TNS1: variants seen among roughly 807,000 people sequenced by gnomAD.
The protein encoded by TNS1 is tensin-1.
Under a neutral mutation model 168.6 loss-of-function variants are expected in TNS1, and 62 were observed. That is an observed-to-expected ratio of 0.37 (90% CI 0.30 to 0.45). The LOEUF (loss-of-function observed/expected upper bound fraction) is 0.45, where lower values mean the gene tolerates loss of function less well. Ranked by LOEUF, TNS1 falls within the 20% of genes least tolerant of loss-of-function variation. The pLI, the probability that TNS1 is intolerant of heterozygous loss-of-function variation, is 1.00. For synonymous variants in TNS1, 934 were observed against 933.2 expected, an observed-to-expected ratio of 1.00 and a Z score of -0.02; for missense variants, 2,240 against 2,339.4, an observed-to-expected ratio of 0.96 and a Z score of 0.88.
At chr2:217,893,602 G>A (rs1951976978) in intron 9 of TNS1, 41 bp from the exon 10 acceptor site, 1 of 1,566,468 alleles carries the variant, frequency 6.4e-7, no homozygotes, top group African/African-American at 1.4e-5. Flanking sequence ...CAGAAGCCCT[G>A]CAGAGCCAAA....
At chr2:217,941,441 G>A (rs148789570) in intron 3 of TNS1, among the ~76,000 whole-genome samples, 23 of 152,328 alleles carry the variant, frequency 1.5e-4, no homozygotes, top group Admixed American at 2.6e-4. Flanking sequence ...AGCTGGGTGC[G>A]GACCTGGTAG....
intron 3 of TNS1, among the ~76,000 whole-genome samples, chr2:217,939,304 A>G (rs1433748984): frequency 6.6e-6 from 1 of 151,994 alleles, no homozygotes; most frequent in Non-Finnish European, 1.5e-5. Context: ...CTCAAGACAG[A>G]CCTCTCAGTC....
upstream of TNS1, among the ~76,000 whole-genome samples, chr2:218,014,082 G>A (rs1958734932): frequency 6.6e-6 from 1 of 152,230 alleles, no homozygotes; most frequent in Non-Finnish European, 1.5e-5. Flanking sequence ...CAGGCACAGA[G>A]CCCCCTCTGT....
At chr2:217,996,972 T>C (rs1459909196) in intron 1 of TNS1, among the ~76,000 whole-genome samples, 4 of 143,778 alleles carry the variant, frequency 2.8e-5, no homozygotes, top group Non-Finnish European at 6.1e-5. Context: ...CTCCCTGCCC[T>C]GTGTCCACCC....
chr2:217,841,364 C>A (rs1222824452), intron 19 of TNS1: 8 of 711,048 alleles, frequency 1.1e-5, no homozygotes, highest in Middle Eastern at 7.1e-4. Context: ...AAGGCAGGCA[C>A]CCCACCAACA....
At chr2:218,007,013 G>T (rs1038482538), upstream of TNS1, among the ~76,000 whole-genome samples, 1 of 152,050 alleles carries the variant, frequency 6.6e-6, no homozygotes, top group African/African-American at 2.4e-5. Context: ...CCAGACCCTG[G>T]ATTTTTTCCC....
At chr2:217,838,384 A>T (rs1945460116) in intron 19 of TNS1, among the ~76,000 whole-genome samples, 1 of 152,216 alleles carries the variant, frequency 6.6e-6, no homozygotes, top group South Asian at 2.1e-4. Flanking sequence ...ACATCCGTAG[A>T]GAATGTGAGA....
At chr2:217,912,081 CT>C (rs1954475545) in intron 4 of TNS1, among the ~76,000 whole-genome samples, 1 of 152,234 alleles carries the variant, frequency 6.6e-6, no homozygotes, top group African/African-American at 2.4e-5. Context: ...CCACACATGC[CT>C]TTACCCTCCC....
intron 1 of TNS1, among the ~76,000 whole-genome samples, chr2:218,031,334 TG>T (rs1183954643): frequency 6.8e-6 from 1 of 147,508 alleles, no homozygotes; most frequent in East Asian, 2.0e-4. Flanking sequence ...TGAGCATGTC[TG>T]TGTGTGAGTG....
intron 4 of TNS1, among the ~76,000 whole-genome samples, chr2:217,909,571 C>CCA (rs3054350): frequency 0.13 from 19,577 of 146,730 alleles, 1,306 homozygotes; most frequent in Admixed American, 0.16. Context: ...GCCTGGGTGC[C>CCA]CACACACACA....
At chr2:218,022,703 G>T (rs1207227703) in intron 1 of TNS1, among the ~76,000 whole-genome samples, 2 of 151,662 alleles carry the variant, frequency 1.3e-5, no homozygotes, top group African/African-American at 4.8e-5. Context: ...CCAGTCAGTG[G>T]CTCTGGGAAG....
chr2:217,988,563 A>C, intron 2 of TNS1, among the ~76,000 whole-genome samples: 1 of 152,186 alleles, frequency 6.6e-6, no homozygotes, highest in Admixed American at 6.5e-5. Flanking sequence ...TAATTTATGC[A>C]TCTTCGCAGG....
chr2:217,969,176 C>T (rs1957719744), intron 3 of TNS1, among the ~76,000 whole-genome samples: 1 of 152,198 alleles, frequency 6.6e-6, no homozygotes, highest in Admixed American at 6.5e-5. Context: ...ATTCACACTT[C>T]CCAATTTTGA....
intron 3 of TNS1, among the ~76,000 whole-genome samples, chr2:217,934,847 G>A (rs1443939051): frequency 6.6e-6 from 1 of 152,214 alleles, no homozygotes; most frequent in African/African-American, 2.4e-5. Context: ...GGACAGCTCT[G>A]CCAAAGGCCC....
chr2:217,907,240 A>T lies in TNS1; in HGVS notation c.240T>A (p.Thr80=), dbSNP rs1316790826. 1 of 703,086 alleles carries T rather than the reference A, an allele frequency of 1.4e-6. No individual in the cohort carries two copies. The highest frequency in any genetic ancestry group is 2.0e-5 in the Admixed American group (1 of 50,016). 43.6% of individuals were successfully genotyped at this position (703,086 alleles called of 1,614,324 possible). A position where few individuals can be genotyped will look rare whatever the true frequency, so the allele number is the denominator to read the frequency against. Residue 80 remains threonine, a synonymous_variant, in exon 5 of 33, where the codon ACT becomes ACA. Transcript: ENST00000682258. ...PSNHELVPIT[T]ENAPKNVVDK... ...CCACTACATTCTTTGGTGCATTCTCAGTGGTGATGGGCTGTGGACAGAAGG... is the reference window on the plus strand; with the variant it reads ...CCACTACATTCTTTGGTGCATTCTCTGTGGTGATGGGCTGTGGACAGAAGG...
chr2:217,879,289 A>C (rs1337359424), intron 18 of TNS1: 2 of 352,186 alleles, frequency 5.7e-6, no homozygotes, highest in Non-Finnish European at 5.7e-6. Context: ...GAGACAGTAA[A>C]AATTCTTTCC....
chr2:217,886,258 G>A (rs1309660496), intron 13 of TNS1, among the ~76,000 whole-genome samples, 154 bp from the exon 14 acceptor site: 3 of 152,150 alleles, frequency 2.0e-5, no homozygotes, highest in South Asian at 2.1e-4. Flanking sequence ...GAGTAAAAGA[G>A]GAAGCAGAAA....
At chr2:217,978,135 T>A (rs578001566) in intron 3 of TNS1, among the ~76,000 whole-genome samples, 1 of 152,174 alleles carries the variant, frequency 6.6e-6, no homozygotes, top group East Asian at 1.9e-4. Flanking sequence ...CAGCAATCCC[T>A]CCAGTCTTCT....
intron 20 of TNS1, 105 bp from the exon 21 acceptor site, chr2:217,835,271 TC>T (rs1187001881): frequency 5.7e-6 from 6 of 1,056,272 alleles, no homozygotes; most frequent in Non-Finnish European, 8.2e-6. Context: ...AGCCCCCACA[TC>T]CCCTCGTCAG....
Sources: gnomAD v4.1 joint callset for allele counts (sites outside exome capture counted in the v4.1 genomes callset) on GRCh38, gnomAD v4.1.1 for gene constraint, MANE v1.5 for transcripts, NCBI Gene and HGNC (gene_info 2026-07-23, HGNC 2026-07-21) for gene names.